The following ITGBL1 variants were observed in gnomAD, a reference collection of about 807,000 sequenced individuals.
The protein encoded by ITGBL1 is integrin subunit beta like 1.
In ITGBL1, 51 loss-of-function variants were observed where a neutral mutation model predicts 68.5. The ratio of observed to expected loss-of-function variants is 0.74; its 90% CI spans 0.59 to 0.94. ITGBL1 has a LOEUF of 0.94. ITGBL1 is among the 40% of genes least tolerant of loss of function. ITGBL1 has a pLI of 0.00. For synonymous variants in ITGBL1, 209 were observed against 227.3 expected (o/e 0.92, Z 0.72); for missense variants, 649 against 647.4 (o/e 1.00, Z -0.03).
At chr13:101,697,808 G>T (rs1426286927) in intron 8 of ITGBL1, among the ~76,000 whole-genome samples, 2 of 152,156 alleles carry the variant, frequency 1.3e-5, no homozygotes, top group African/African-American at 4.8e-5. Flanking sequence ...TGAATGCCCT[G>T]TATCTGTAAT....
chr13:101,544,765 C>T (rs1444667644), intron 2 of ITGBL1, among the ~76,000 whole-genome samples: 5 of 152,188 alleles, frequency 3.3e-5, no homozygotes, highest in Non-Finnish European at 7.4e-5. Flanking sequence ...GGGCACCCCT[C>T]CCCGAGCCTT....
chr13:101,563,716 C>G (rs1178112053), intron 2 of ITGBL1, among the ~76,000 whole-genome samples: 2 of 151,792 alleles, frequency 1.3e-5, no homozygotes, highest in Non-Finnish European at 3.0e-5. Context: ...CTACCAAACC[C>G]TTAAGGATAA....
chr13:101,481,113 T>TAC (rs34261952), intron 2 of ITGBL1, among the ~76,000 whole-genome samples: 28,849 of 149,614 alleles, frequency 0.19, 3,435 homozygotes, highest in East Asian at 0.44. Flanking sequence ...TGCATGTATA[T>TAC]ACACATATAT....
At chr13:101,626,278 T>C (rs928709788) in intron 7 of ITGBL1, among the ~76,000 whole-genome samples, 1 of 152,244 alleles carries the variant, frequency 6.6e-6, no homozygotes, top group East Asian at 1.9e-4. Flanking sequence ...CCATGGATTT[T>C]TATAGCCTTT....
chr13:101,575,761 A>G (rs1018659698), intron 4 of ITGBL1, among the ~76,000 whole-genome samples: 7 of 152,134 alleles, frequency 4.6e-5, no homozygotes, highest in African/African-American at 1.7e-4. Flanking sequence ...TCCCCAGAGG[A>G]GAGCTGTGTC....
chr13:101,485,661 A>G (rs9557675), intron 2 of ITGBL1, among the ~76,000 whole-genome samples: 37,609 of 151,882 alleles, frequency 0.25, 5,291 homozygotes, highest in East Asian at 0.51. Flanking sequence ...GCGTGGTGGC[A>G]GGCGCCCGTA....
At chr13:101,531,620 G>T (rs1200155818) in intron 2 of ITGBL1, among the ~76,000 whole-genome samples, 5 of 136,704 alleles carry the variant, frequency 3.7e-5, no homozygotes, top group South Asian at 2.5e-4. Context: ...GGGGGGAGGG[G>T]ATTTACTTTA....
chr13:101,504,922 C>A (rs963149045), intron 2 of ITGBL1, among the ~76,000 whole-genome samples: 2 of 152,126 alleles, frequency 1.3e-5, no homozygotes, highest in Non-Finnish European at 2.9e-5. Context: ...ATCACACAGC[C>A]TTTTTGTACA....
Position 101,505,487 on chromosome 13 carries a change from G to A in ITGBL1, c.316+51387G>A, listed in dbSNP as rs570155761. 5.3e-5 allele frequency among the ~76,000 whole-genome samples: 8 copies of A among 152,262 alleles called. No individual in the cohort carries two copies. In the South Asian group the frequency reaches 6.2e-4, roughly 12 times the overall value. The stretch of plus-strand genomic sequence containing the variant: ...CCCTAAACAGGTTGTGGCTAACTCC[G>A]CCTGGAGGATTTAGGGGAGTAATAA... On this transcript the variant is annotated intron_variant, in intron 2 of 10. Transcript: ENST00000376180.
chr13:101,552,888 T>G (rs1448021528), intron 2 of ITGBL1, among the ~76,000 whole-genome samples: 1 of 152,174 alleles, frequency 6.6e-6, no homozygotes, highest in Admixed American at 6.6e-5. Context: ...TTTCACAAAT[T>G]TATTTGAAGG....
intron 7 of ITGBL1, among the ~76,000 whole-genome samples, chr13:101,659,115 G>A (rs912405514): frequency 6.7e-6 from 1 of 149,200 alleles, no homozygotes; most frequent in African/African-American, 2.5e-5. Flanking sequence ...GCAGTGGGGC[G>A]ATCTCAGCTC....
chr13:101,512,166 C>G (rs541647506), intron 2 of ITGBL1, among the ~76,000 whole-genome samples: 5 of 152,088 alleles, frequency 3.3e-5, no homozygotes, highest in African/African-American at 1.2e-4. Context: ...GATGGATATC[C>G]CTCTTCCACT....
intron 2 of ITGBL1, among the ~76,000 whole-genome samples, chr13:101,504,019 T>C (rs1238281898): frequency 6.6e-6 from 1 of 152,174 alleles, no homozygotes; most frequent in Non-Finnish European, 1.5e-5. Flanking sequence ...AAAGTTCAGA[T>C]TGTGGCTGAA....
At chr13:101,696,996 G>A (rs2034018203) in intron 8 of ITGBL1, among the ~76,000 whole-genome samples, 1 of 151,814 alleles carries the variant, frequency 6.6e-6, no homozygotes, top group Admixed American at 6.6e-5. Flanking sequence ...AAGCACACAG[G>A]TGAAAAGTTA....
In ITGBL1 at chr13:101,637,590, G is replaced by A. The variant is rs947249770; in HGVS notation, c.1015+39291G>A. Reference sequence around the variant, plus strand: ...GATCTCCTGATCTCCTGATTCACCCGCCTTGGCCTCCCAAAGTGCTGGGAT... The same window carrying A: ...GATCTCCTGATCTCCTGATTCACCCACCTTGGCCTCCCAAAGTGCTGGGAT... On this transcript the variant is annotated intron_variant, in intron 7 of 10. Coordinates refer to ENST00000376180, the MANE Select transcript of ITGBL1 (RefSeq NM_004791.3). 3.9e-5 allele frequency among the ~76,000 whole-genome samples: 6 copies of A among 152,016 alleles called. No homozygotes were observed. The South Asian group carries it at 8.3e-4, about 21-fold the overall frequency.
chr13:101,571,601 C>T (rs1449177386), intron 3 of ITGBL1, among the ~76,000 whole-genome samples: 2 of 152,088 alleles, frequency 1.3e-5, no homozygotes, highest in African/African-American at 2.4e-5. Context: ...CTTCCTCAAA[C>T]CTTGCACCCT....
At chr13:101,478,200 T>C (rs959190223) in intron 2 of ITGBL1, among the ~76,000 whole-genome samples, 14 of 152,130 alleles carry the variant, frequency 9.2e-5, no homozygotes, top group Non-Finnish European at 1.0e-4. Context: ...TCAATCAACG[T>C]GATACAACAT....
intron 2 of ITGBL1, among the ~76,000 whole-genome samples, chr13:101,495,044 T>C (rs2048836868): frequency 6.6e-6 from 1 of 152,208 alleles, no homozygotes; most frequent in Non-Finnish European, 1.5e-5. Flanking sequence ...CATTCTTAAT[T>C]GATGTTGGAA....
At chr13:101,635,838 A>T (rs1340773030) in intron 7 of ITGBL1, among the ~76,000 whole-genome samples, 1 of 152,096 alleles carries the variant, frequency 6.6e-6, no homozygotes. Context: ...ACTGAATAAA[A>T]TCCAGATCAA....
Sources: allele counts gnomAD v4.1 joint callset (sites outside exome capture counted in the v4.1 genomes callset), GRCh38; gene constraint gnomAD v4.1.1; transcripts MANE v1.5; gene names NCBI Gene and HGNC (gene_info 2026-07-23, HGNC 2026-07-21).